TECR: variants seen among roughly 807,000 people sequenced by gnomAD.
TECR encodes the protein very-long-chain enoyl-CoA reductase.
Under a neutral mutation model 50.6 loss-of-function variants are expected in TECR, and 19 were observed. The ratio of observed to expected loss-of-function variants is 0.38; its 90% CI spans 0.26 to 0.55. TECR has a LOEUF of 0.55. Among genes scored for constraint, TECR ranks in the 20% least tolerant of loss-of-function variants. The pLI is 0.79. For missense variants in TECR, 313 were observed against 408.3 expected (o/e 0.77, Z 2.01); for synonymous variants, 168 against 163.5 (o/e 1.03, Z -0.21).
chr19:14,563,523 C>T lies in TECR; in HGVS notation c.119-135C>T, dbSNP rs188069168. On this transcript the variant is annotated intron_variant, in intron 3 of 12. Transcript: ENST00000215567. The surrounding 1 kb of genome is among the most constrained non-coding windows in gnomAD (Gnocchi z 5.3). ...AAACCGCACAAGCCTGAGGGTTTGC[C>T]CCCAGGTGGGAGGAGCTGTGGAGTC... is the stretch of plus-strand genomic sequence containing the variant. The T allele has an allele frequency of 1.4e-3, 1,637 of 1,192,052 alleles. 22 individuals are homozygous for T. The highest frequency in any genetic ancestry group is 1.1e-4 in the Non-Finnish European group (88 of 822,450). The allele number at this position is 1,192,052 out of a possible 1,614,324, so 73.8% of individuals were successfully genotyped here. A position where few individuals can be genotyped will look rare whatever the true frequency, so the allele number is the denominator to read the frequency against.
intron 1 of TECR, among the ~76,000 whole-genome samples, chr19:14,555,847 A>G (rs1166740361): frequency 1.3e-5 from 2 of 152,012 alleles, no homozygotes; most frequent in African/African-American, 4.8e-5. Context: ...CAGCCTCCTA[A>G]AGTGCTGGGA....
intron 1 of TECR, among the ~76,000 whole-genome samples, chr19:14,538,950 A>G (rs531643586): frequency 6.6e-6 from 1 of 151,308 alleles, no homozygotes; most frequent in East Asian, 2.0e-4. Flanking sequence ...CAGTTTTGAT[A>G]TAATGTCACA....
intron 1 of TECR, among the ~76,000 whole-genome samples, chr19:14,553,683 C>T (rs759929350): frequency 4.6e-5 from 7 of 152,230 alleles, no homozygotes; most frequent in South Asian, 2.1e-4. Flanking sequence ...ATGAATGTGC[C>T]GGAGTCTCTG....
rs1221092424 is a variant in TECR, at chr19:14,542,361, T to G, written c.15+12650T>G. Among the ~76,000 whole-genome samples the G allele has an allele frequency of 3.9e-5, 5 of 129,010 alleles. 1 individual carries two copies. The highest frequency in any genetic ancestry group is 8.9e-5 in the African/African-American group (3 of 33,540). The allele number at this position is 129,010 out of a possible 152,430, so 84.6% of individuals were successfully genotyped here. ...CATGCCATAGTGTTTTTTTTTTTTT[T>G]TTTTTTTTTTTTTTTCTGAGATGGA... is the stretch of plus-strand genomic sequence containing the variant. On this transcript the variant is annotated intron_variant, in intron 1 of 12. Transcript: ENST00000215567.
chr19:14,563,668 G>T lies in TECR; in HGVS notation c.129G>T (p.Trp43Cys). 1 of 1,611,488 alleles carries T rather than the reference G, an allele frequency of 6.2e-7. No individual in the cohort carries two copies. Among genetic ancestry groups the T allele is most frequent in the Admixed American group, 1.7e-5 (1 of 59,978 alleles). Residue 43 changes from tryptophan to cysteine, a missense_variant, in exon 4 of 13, where the codon TGG becomes TGT. Transcript: ENST00000215567. This position sits in a 1 kb window ranked among gnomAD's most constrained non-coding sequence, Gnocchi z 5.3. ...CTGTTCTCCCCGCAGATCCGCAGTG[G>T]TACCCCGCCCGCCAGTCCCTCCGCC... ...KNLFTKTHPQWYPARQSLRLD... is the reference protein window; with the variant it reads ...KNLFTKTHPQCYPARQSLRLD...
chr19:14,529,978 C>T, intron 1 of TECR: 1 of 564,000 alleles, frequency 1.8e-6, no homozygotes, highest in Non-Finnish European at 3.2e-6. Flanking sequence ...TTGCAGGTTC[C>T]TTGCAGCTCC....
intron 1 of TECR, among the ~76,000 whole-genome samples, chr19:14,552,523 T>TTTTTC (rs553112575): frequency 7.3e-5 from 11 of 151,240 alleles, no homozygotes; most frequent in South Asian, 4.3e-4. Context: ...CATCACAGTC[T>TTTTTC]TTTTCTTTTC....
At chr19:14,540,528 A>G (rs112705555) in intron 1 of TECR, among the ~76,000 whole-genome samples, 43,788 of 151,856 alleles carry the variant, frequency 0.29, 7,637 homozygotes, top group Non-Finnish European at 0.4. Flanking sequence ...AGTAGCTGGG[A>G]TTACTGGTGC....
At chr19:14,542,559 AC>A (rs2073141794) in intron 1 of TECR, among the ~76,000 whole-genome samples, 1 of 151,152 alleles carries the variant, frequency 6.6e-6, no homozygotes, top group African/African-American at 2.4e-5. Context: ...ATGTTGTTTT[AC>A]TATATTGGCT....
chr19:14,548,107 C>T lies in TECR; in HGVS notation c.16-14418C>T, dbSNP rs189143241. Among the ~76,000 whole-genome samples the T allele has an allele frequency of 1.5e-3, 225 of 151,726 alleles. No homozygotes were observed. In the South Asian group the frequency reaches 0.019, roughly 13 times the overall value. Reference sequence around the variant, plus strand: ...CCTCCCAAGTAGCTGGGACTACAGGCGCCCACCACCATGCCCAGCTAATTT... The same window carrying T: ...CCTCCCAAGTAGCTGGGACTACAGGTGCCCACCACCATGCCCAGCTAATTT... On this transcript the variant is annotated intron_variant, in intron 1 of 12. Coordinates refer to ENST00000215567, the MANE Select transcript of TECR (RefSeq NM_138501.6).
chr19:14,540,311 A>G (rs981034054), intron 1 of TECR, among the ~76,000 whole-genome samples: 1 of 150,402 alleles, frequency 6.6e-6, no homozygotes, highest in African/African-American at 2.5e-5. Context: ...CTCGTGATCC[A>G]CCCTCCTCAG....
chr19:14,528,816 T>C (rs1055226910), upstream of TECR, among the ~76,000 whole-genome samples: 1 of 151,722 alleles, frequency 6.6e-6, no homozygotes. Flanking sequence ...TGGTGGCGGG[T>C]GCCTGTAATC....
At chr19:14,555,075 C>G (rs2073670922) in intron 1 of TECR, among the ~76,000 whole-genome samples, 1 of 151,630 alleles carries the variant, frequency 6.6e-6, no homozygotes, top group African/African-American at 2.4e-5. Flanking sequence ...CTGCGCCTGG[C>G]CTTGTTTTTT....
In TECR at chr19:14,565,953, G is replaced by C. The variant is rs1374769490; in HGVS notation, c.*82G>C. 6.5e-7 allele frequency: 1 copy of C among 1,546,326 alleles called. No individual in the cohort carries two copies. Among genetic ancestry groups the C allele is most frequent in the African/African-American group, 1.4e-5 (1 of 73,420 alleles). ...TGGGGCCCACAGCTCTCCAGCACCC[G>C]GAATAAAGCCCGCCTGCCCCAGTCG... On this transcript the variant is annotated 3_prime_UTR_variant, in exon 13 of 13. Transcript: ENST00000215567.
chr19:14,546,745 C>T (rs995969881), intron 1 of TECR, among the ~76,000 whole-genome samples: 1 of 152,102 alleles, frequency 6.6e-6, no homozygotes, highest in African/African-American at 2.4e-5. Flanking sequence ...AGTGCCGTGT[C>T]GCGATCTTGG....
intron 1 of TECR, among the ~76,000 whole-genome samples, chr19:14,551,922 C>T (rs1207623145): frequency 7.2e-5 from 9 of 124,162 alleles, no homozygotes; most frequent in Non-Finnish European, 1.4e-4. Flanking sequence ...CCCCTCCCTC[C>T]CTCCCTCTCT....
At chr19:14,536,917 C>G (rs1437334967) in intron 1 of TECR, among the ~76,000 whole-genome samples, 2 of 149,430 alleles carry the variant, frequency 1.3e-5, no homozygotes, top group African/African-American at 2.5e-5. Flanking sequence ...GTAGTACGGC[C>G]CTACTCACCT....
At chr19:14,545,171 T>C (rs1285412014) in intron 1 of TECR, 2 of 456,632 alleles carry the variant, frequency 4.4e-6, no homozygotes, top group Middle Eastern at 3.2e-4. Context: ...CGATTCCTCA[T>C]TGCTCAAGGG....
intron 1 of TECR, among the ~76,000 whole-genome samples, chr19:14,543,164 A>T (rs1468374453): frequency 6.7e-6 from 1 of 150,258 alleles, no homozygotes; most frequent in East Asian, 2.0e-4. Flanking sequence ...CTGAGCCTCC[A>T]GGCTCCTTGT....
Sources: gnomAD v4.1 joint callset for allele counts (sites outside exome capture counted in the v4.1 genomes callset) on GRCh38, gnomAD v4.1.1 for gene constraint, Gnocchi (gnomAD v3.1) non-coding constraint, MANE v1.5 for transcripts, NCBI Gene and HGNC (gene_info 2026-07-23, HGNC 2026-07-21) for gene names.